The following CHMP6 variants were observed in gnomAD, a reference collection of about 807,000 sequenced individuals.
CHMP6 encodes chromatin-modifying protein 6.
A neutral mutation model predicts 32.8 loss-of-function variants in CHMP6; 10 were observed. The observed-to-expected ratio is 0.30, with a 90% CI of 0.19 to 0.52. The LOEUF is 0.52. Ranked by LOEUF, CHMP6 falls within the 20% of genes least tolerant of loss-of-function variation. CHMP6 has a pLI of 0.97. For missense variants in CHMP6, 269 were observed against 263.8 expected (o/e 1.02, Z -0.14); for synonymous variants, 123 against 105.8 (o/e 1.16, Z -1.00).
intron 3 of CHMP6, among the ~76,000 whole-genome samples, chr17:80,995,406 G>A (rs531417000): frequency 1.3e-5 from 2 of 152,260 alleles, no homozygotes; most frequent in East Asian, 3.9e-4. Context: ...CTGGTGTTAG[G>A]GACCCGAGCG....
At chr17:80,995,297 T>TG (rs1555645858) in intron 3 of CHMP6, among the ~76,000 whole-genome samples, 191 bp downstream of exon 3, 2 of 151,994 alleles carry the variant, frequency 1.3e-5, no homozygotes, top group Non-Finnish European at 2.9e-5. Flanking sequence ...CTTAAGAGGC[T>TG]GGGGGGCAGG....
rs1283236782 is a variant in CHMP6 at position 80,995,081 on chromosome 17, A to C, written c.236A>C (p.Asn79Thr). The change falls in exon 3 of 8, where the codon AAC (asparagine) becomes ACC (threonine). Residue 79 changes from asparagine (N) to threonine (T), a missense_variant. Transcript: ENST00000325167. ...YQEQLLDRTENQISSLEAMVQ... is the reference protein window; with the variant it reads ...YQEQLLDRTETQISSLEAMVQ... ...GAGCAGCTCCTGGACAGGACGGAGA[A>C]CCAGATCAGCAGCCTGGAGGCCATG... is the stretch of plus-strand genomic sequence containing the variant. The C allele has an allele frequency of 6.2e-7, 1 of 1,602,702 alleles. No homozygotes were observed. Among genetic ancestry groups the C allele is most frequent in the South Asian group, 1.1e-5 (1 of 88,458 alleles).
At chr17:80,995,236 T>A in intron 3 of CHMP6, 130 bp downstream of exon 3, 1 of 856,762 alleles carries the variant, frequency 1.2e-6, no homozygotes, top group Non-Finnish European at 1.8e-6. Flanking sequence ...GAAGCTGACC[T>A]GAAGAGGGGC....
Position 80,999,287 on chromosome 17 carries a change from C to T in CHMP6, c.*134C>T. ...GGTGCTGAGCAGAGCTGCAGCCACG[C>T]AGGCGCATTGCAGGAGGACTCCAGA... On this transcript the variant is annotated 3_prime_UTR_variant, in exon 8 of 8. Transcript: ENST00000325167. The T allele has an allele frequency of 1.0e-6, 1 of 972,624 alleles. No homozygotes were observed. The highest frequency in any genetic ancestry group is 1.6e-6 in the Non-Finnish European group (1 of 637,474). The allele number at this position is 972,624 out of a possible 1,614,324, so 60.2% of individuals were successfully genotyped here. A position where few individuals can be genotyped will look rare whatever the true frequency, so the allele number is the denominator to read the frequency against.
chr17:80,998,264 T>C (rs2069656040), intron 6 of CHMP6, 102 bp from the exon 7 acceptor site: 2 of 1,363,716 alleles, frequency 1.5e-6, no homozygotes, highest in South Asian at 2.4e-5. Flanking sequence ...TAACTCCGGC[T>C]GAGAGCGGCT....
At chr17:80,995,647 G>A (rs370186200) in intron 3 of CHMP6, 25 bp from the exon 4 acceptor site, 1 of 1,610,148 alleles carries the variant, frequency 6.2e-7, no homozygotes, top group Non-Finnish European at 8.5e-7. Context: ...CTCAGCACCT[G>A]CGTCTGCTCT....
intron 6 of CHMP6, 126 bp from the exon 7 acceptor site, chr17:80,998,240 G>GT: frequency 9.0e-7 from 1 of 1,112,958 alleles, no homozygotes; most frequent in Non-Finnish European, 1.3e-6. Flanking sequence ...TGAGCAGCAC[G>GT]TTCCTGTCCG....
At chr17:80,996,272 T>G (rs2069636759) in intron 4 of CHMP6, among the ~76,000 whole-genome samples, 1 of 151,040 alleles carries the variant, frequency 6.6e-6, no homozygotes, top group Non-Finnish European at 1.5e-5. Flanking sequence ...TGAGATGAGA[T>G]TGCGCCACTG....
At position 80,995,003 on chromosome 17, in the gene CHMP6, G is replaced by A. The variant is rs747354387; in HGVS notation, c.174-16G>A. Reference sequence around the variant, plus strand: ...GGCAGGGCCACAGCGGGTCACTCTCGGGCTTCCCTCTGCAGACGGGCCAAG... The same window carrying A: ...GGCAGGGCCACAGCGGGTCACTCTCAGGCTTCCCTCTGCAGACGGGCCAAG... On this transcript the variant is annotated splice_polypyrimidine_tract_variant and intron_variant, in intron 2 of 7. Coordinates refer to ENST00000325167, the MANE Select transcript of CHMP6 (RefSeq NM_024591.5). The A allele has an allele frequency of 1.2e-5, 19 of 1,583,058 alleles. No homozygotes were observed. The East Asian group carries it at 1.4e-4, about 11-fold the overall frequency.
At chr17:80,992,973 C>T (rs2069605961) in intron 1 of CHMP6, among the ~76,000 whole-genome samples, 2 of 152,226 alleles carry the variant, frequency 1.3e-5, no homozygotes, top group Non-Finnish European at 2.9e-5. Context: ...ACAACGGGCA[C>T]ATTTGTCCCT....
In CHMP6 at chr17:80,997,331, C is replaced by T. The variant is rs778641560; in HGVS notation, c.485C>T (p.Ala162Val). 1.2e-6 allele frequency: 2 copies of T among 1,610,872 alleles called. No individual in the cohort carries two copies. The highest frequency in any genetic ancestry group is 1.1e-5 in the South Asian group (1 of 91,020). ...GACGCCATCCTGGAGGAGCTGAGCG[C>T]AATCACTCAGGTAACGGCCCCCCCG... ...DEDAILEELS[A>V]ITQEQIELPE... The change falls in exon 6 of 8, where the codon GCA (alanine) becomes GTA (valine). Residue 162 changes from alanine to valine, a missense_variant. By Grantham distance (64) the Ala-to-Val change is moderately conservative (BLOSUM62 0). Coordinates refer to ENST00000325167, the MANE Select transcript of CHMP6 (RefSeq NM_024591.5).
At chr17:80,995,596 C>T (rs546151625) in intron 3 of CHMP6, 76 bp from the exon 4 acceptor site, 3 of 1,343,974 alleles carry the variant, frequency 2.2e-6, no homozygotes, top group Non-Finnish European at 3.2e-6. Flanking sequence ...GGGTGTCATC[C>T]TGAACCCTGC....
At chr17:80,998,465 G>A (rs759324140) in intron 7 of CHMP6, 45 bp downstream of exon 7, 3 of 1,613,848 alleles carry the variant, frequency 1.9e-6, no homozygotes, top group African/African-American at 1.3e-5. Context: ...ATTCGCAGGA[G>A]AAAAGTGGAT....
rs762854982 is a variant in CHMP6 at position 80,998,396 on chromosome 17, G to A, written c.526G>A (p.Glu176Lys). The A allele has an allele frequency of 2.3e-5, 37 of 1,614,062 alleles. 1 individual carries two copies. Among genetic ancestry groups the A allele is most frequent in the East Asian group, 4.5e-5 (2 of 44,892 alleles). Residue 176 changes from glutamate to lysine, a missense_variant, in exon 7 of 8, where the codon GAG (glutamate) becomes AAG (lysine). By Grantham distance (56) the Glu-to-Lys change is moderately conservative. Coordinates refer to ENST00000325167, the MANE Select transcript of CHMP6 (RefSeq NM_024591.5). ...AATAGAGCTGCCAGAGGTTCCCTCC[G>A]AGCCCCTTCCTGAGAAGATCCCAGG... ...EQIELPEVPS[E>K]PLPEKIPENV... is the part of the protein sequence containing the mutation.
chr17:80,996,791 G>T (rs2069641049), intron 4 of CHMP6, among the ~76,000 whole-genome samples: 2 of 152,170 alleles, frequency 1.3e-5, no homozygotes, highest in African/African-American at 4.8e-5. Context: ...TTTAAACAGG[G>T]ACAGGAGCTG....
chr17:80,998,129 C>A (rs1346802132), intron 6 of CHMP6, among the ~76,000 whole-genome samples: 1 of 152,222 alleles, frequency 6.6e-6, no homozygotes, highest in East Asian at 1.9e-4. Context: ...CCCTCAGCGC[C>A]CCAGGGTCTG....
intron 4 of CHMP6, 59 bp from the exon 5 acceptor site, chr17:80,996,948 G>C (rs2069642297): frequency 1.3e-5 from 20 of 1,549,754 alleles, no homozygotes. Flanking sequence ...GGAGGCCTCT[G>C]TCGGGGGTCT....
chr17:80,993,267 C>T (rs1157002790), intron 1 of CHMP6, among the ~76,000 whole-genome samples: 1 of 149,846 alleles, frequency 6.7e-6, no homozygotes, highest in Non-Finnish European at 1.5e-5. Flanking sequence ...CAAATGATTG[C>T]TTTTTTTTTT....
In CHMP6 at chr17:80,999,121, C is replaced by A; in HGVS notation, c.574C>A (p.Pro192Thr). ...IPENVPVKAR[P>T]RQAELVAAS ...AGAAAACGTCCCTGTCAAGGCCAGG[C>A]CCAGGCAGGCGGAGCTGGTGGCAGC... The change falls in exon 8 of 8, where the codon CCC (proline) becomes ACC (threonine). Residue 192 changes from proline (P) to threonine (T), a missense_variant. Physicochemically the swap from Pro to Thr is conservative, Grantham distance 38. Coordinates refer to ENST00000325167, the MANE Select transcript of CHMP6 (RefSeq NM_024591.5). 1 of 1,614,092 alleles carries A rather than the reference C, an allele frequency of 6.2e-7. No individual in the cohort carries two copies. Among genetic ancestry groups the A allele is most frequent in the African/African-American group, 1.3e-5 (1 of 75,068 alleles).
Sources: allele counts gnomAD v4.1 joint callset (sites outside exome capture counted in the v4.1 genomes callset), GRCh38; gene constraint gnomAD v4.1.1; transcripts MANE v1.5; gene names NCBI Gene and HGNC (gene_info 2026-07-23, HGNC 2026-07-21).